The following ADGRV1 variants were observed in gnomAD, a reference collection of about 807,000 sequenced individuals.
The protein encoded by ADGRV1 is G-protein coupled receptor 98.
A neutral mutation model predicts 596.2 loss-of-function variants in ADGRV1; 359 were observed. The observed-to-expected ratio is 0.60, with a 90% CI of 0.55 to 0.66. The LOEUF is 0.66. ADGRV1 is among the 30% of genes least tolerant of loss of function. The pLI, the probability that ADGRV1 is intolerant of heterozygous loss-of-function variation, is 0.00. For synonymous variants in ADGRV1, 2,681 were observed against 2,679.2 expected (o/e 1.00, Z -0.02); for missense variants, 7,274 against 7,575.6 (o/e 0.96, Z 1.48).
At chr5:91,008,753 G>A (rs931698067) in intron 85 of ADGRV1, among the ~76,000 whole-genome samples, 9 of 152,052 alleles carry the variant, frequency 5.9e-5, no homozygotes, top group South Asian at 4.2e-4. Context: ...CTTCCGTCTC[G>A]GTCACTGAAA....
intron 86 of ADGRV1, among the ~76,000 whole-genome samples, chr5:91,074,342 A>G (rs779221547): frequency 4.6e-5 from 7 of 152,222 alleles, no homozygotes; most frequent in African/African-American, 1.4e-4. Context: ...TCTACCCTCA[A>G]GTAGGCCCCA....
intron 50 of ADGRV1, 69 bp downstream of exon 50, chr5:90,729,833 TGATTTA>T: frequency 4.0e-6 from 6 of 1,496,260 alleles, no homozygotes; most frequent in Non-Finnish European, 5.5e-6. Context: ...TTAATCTCAT[TGATTTA>T]GATTTAGTAT....
At chr5:90,625,527 A>G in intron 6 of ADGRV1, 1 of 247,590 alleles carries the variant, frequency 4.0e-6, no homozygotes, top group Non-Finnish European at 7.7e-6. Flanking sequence ...GAGCAAGAAC[A>G]ATACTAACCT....
At position 90,923,189 on chromosome 5, in the gene ADGRV1, C is replaced by T. The variant is rs979341719; in HGVS notation, c.17857-42226C>T. 2.5e-4 allele frequency among the ~76,000 whole-genome samples: 38 copies of T among 152,098 alleles called. 1 individual carries two copies. ...CACATAATTTGGATAGGATTTATTGCAGTTTATGATTATAATTTTTCATTA... is the reference window on the plus strand; with the variant it reads ...CACATAATTTGGATAGGATTTATTGTAGTTTATGATTATAATTTTTCATTA... On this transcript the variant is annotated intron_variant, in intron 83 of 89. Coordinates refer to ENST00000405460, the MANE Select transcript of ADGRV1 (RefSeq NM_032119.4).
intron 50 of ADGRV1, among the ~76,000 whole-genome samples, chr5:90,732,957 C>T (rs184111301): frequency 2.6e-4 from 40 of 152,284 alleles, no homozygotes; most frequent in Admixed American, 2.4e-3. Flanking sequence ...ATAGAGAAAT[C>T]CTTGAAGGCT....
intron 82 of ADGRV1, among the ~76,000 whole-genome samples, chr5:90,859,877 C>T (rs1026143567): frequency 3.3e-5 from 5 of 149,312 alleles, no homozygotes; most frequent in South Asian, 2.1e-4. Context: ...GCCAGGAGTT[C>T]GAGACCAGCC....
intron 83 of ADGRV1, among the ~76,000 whole-genome samples, chr5:90,874,372 G>A (rs1028745837): frequency 3.3e-5 from 5 of 152,090 alleles, no homozygotes; most frequent in Non-Finnish European, 7.3e-5. Context: ...CCACCCCTAC[G>A]GGGTCTCATC....
At chr5:90,805,094 A>G (rs990265287) in intron 71 of ADGRV1, 190 bp from the exon 72 acceptor site, 5 of 404,466 alleles carry the variant, frequency 1.2e-5, no homozygotes, top group African/African-American at 4.1e-5. Context: ...GCTATCAACT[A>G]TAACCTAAAT....
chr5:90,969,277 TTTG>T (rs1778743742), intron 84 of ADGRV1, among the ~76,000 whole-genome samples: 1 of 152,246 alleles, frequency 6.6e-6, no homozygotes, highest in Non-Finnish European at 1.5e-5. Flanking sequence ...ACCCATATTA[TTTG>T]TTAAGATAAT....
chr5:90,941,424 G>A (rs1355888507), intron 83 of ADGRV1, among the ~76,000 whole-genome samples: 3 of 152,178 alleles, frequency 2.0e-5, no homozygotes, highest in African/African-American at 7.2e-5. Context: ...GAGTTAAATT[G>A]AGTGGGCAAG....
chr5:91,035,861 T>TAAAATATATATATATATAATATATATAA, intron 85 of ADGRV1, among the ~76,000 whole-genome samples: 9 of 96,402 alleles, frequency 9.3e-5, no homozygotes. Flanking sequence ...TATATATATA[T>TAAAATATATATATATATAATATATATAA]TATATATATA....
chr5:91,070,245 A>G (rs1177134195), intron 85 of ADGRV1, among the ~76,000 whole-genome samples: 1 of 152,220 alleles, frequency 6.6e-6, no homozygotes, highest in Non-Finnish European at 1.5e-5. Context: ...ATGGACTCCC[A>G]GAACCTAAAA....
Position 90,813,157 on chromosome 5 carries a change from A to AAAAAAAAAAAAAAAAC in ADGRV1, c.16078+1826_16078+1827insAAAAAAAACAAAAAAA, listed in dbSNP as rs1762595990. On this transcript the variant is annotated intron_variant, in intron 74 of 89. Transcript: ENST00000405460. Reference sequence around the variant, plus strand: ...CAAAAAAAAAAAAAAAAAAAAAAAAAAAAAAAATTTATTTGGCAGTCAGCA... The same window carrying AAAAAAAAAAAAAAAAC: ...CAAAAAAAAAAAAAAAAAAAAAAAAAAAAAAAAAAAAAAAACAAAAAAATTTATTTGGCAGTCAGCA... Among the ~76,000 whole-genome samples, 2 of 93,746 alleles carry AAAAAAAAAAAAAAAAC rather than the reference A, an allele frequency of 2.1e-5. 1 individual carries two copies. The highest frequency in any genetic ancestry group is 6.4e-5 in the African/African-American group (2 of 31,358). 61.5% of individuals were successfully genotyped at this position (93,746 alleles called of 152,430 possible). A position where few individuals can be genotyped will look rare whatever the true frequency, so the allele number is the denominator to read the frequency against.
chr5:90,949,794 T>A (rs1776905241), intron 83 of ADGRV1, among the ~76,000 whole-genome samples: 1 of 152,202 alleles, frequency 6.6e-6, no homozygotes, highest in Non-Finnish European at 1.5e-5. Context: ...GTTAGAGCTG[T>A]AAGACAAGGT....
Position 90,823,508 on chromosome 5 carries a change from T to C in ADGRV1, c.16280T>C (p.Val5427Ala), listed in dbSNP as rs760903910. ...VVLQKDGVNL[V>A]EELQSVSGTT... is the part of the protein sequence containing the mutation. ...CTCCAGAAGGATGGGGTAAACCTGG[T>C]GGAGGAACTTCAGTCTGTGTCAGGG... The change falls in exon 76 of 90, where the codon GTG becomes GCG. Residue 5427 changes from valine (V) to alanine (A), a missense_variant. Transcript: ENST00000405460. 4.3e-6 allele frequency: 7 copies of C among 1,613,800 alleles called. No homozygotes were observed. Among genetic ancestry groups the C allele is most frequent in the South Asian group, 1.1e-5 (1 of 91,080 alleles).
At chr5:90,806,914 G>T (rs1007076760) in intron 72 of ADGRV1, among the ~76,000 whole-genome samples, 1 of 151,392 alleles carries the variant, frequency 6.6e-6, no homozygotes, top group Non-Finnish European at 1.5e-5. Flanking sequence ...ATGCAGTGGC[G>T]CCATCTCAAC....
At chr5:90,646,168 A>T in intron 16 of ADGRV1, 77 bp downstream of exon 16, 2 of 917,630 alleles carry the variant, frequency 2.2e-6, no homozygotes, top group Non-Finnish European at 1.5e-6. Context: ...GCACGTGCAT[A>T]TATACATTTA....
intron 85 of ADGRV1, among the ~76,000 whole-genome samples, chr5:91,039,288 T>G (rs1785150263): frequency 6.6e-6 from 1 of 152,206 alleles, no homozygotes; most frequent in Non-Finnish European, 1.5e-5. Context: ...GCTCCATGAC[T>G]TCCTTTCTGG....
At chr5:90,903,594 C>G (rs117960277) in intron 83 of ADGRV1, among the ~76,000 whole-genome samples, 1 of 151,880 alleles carries the variant, frequency 6.6e-6, no homozygotes, top group African/African-American at 2.4e-5. Context: ...GCAAGCAGAT[C>G]AGGGTTTGTT....
Sources: gnomAD v4.1 joint callset for allele counts (sites outside exome capture counted in the v4.1 genomes callset) on GRCh38, gnomAD v4.1.1 for gene constraint, MANE v1.5 for transcripts, NCBI Gene and HGNC (gene_info 2026-07-23, HGNC 2026-07-21) for gene names.